NUDT6: variants seen among roughly 807,000 people sequenced by gnomAD.
NUDT6 encodes nudix hydrolase 6.
A neutral mutation model predicts 36.8 loss-of-function variants in NUDT6; 24 were observed. The ratio of observed to expected loss-of-function variants is 0.65; its 90% CI spans 0.47 to 0.92. The LOEUF (loss-of-function observed/expected upper bound fraction) is 0.92, where lower values mean the gene tolerates loss of function less well. Among genes scored for constraint, NUDT6 ranks in the 40% least tolerant of loss-of-function variants. The probability of loss-of-function intolerance (pLI) is 0.00; values close to 1 mark genes in which losing one functional copy is unlikely to be tolerated. For missense variants in NUDT6, 388 were observed against 392.8 expected, an observed-to-expected ratio of 0.99 and a Z score of 0.10; for synonymous variants, 163 against 157.0, an observed-to-expected ratio of 1.04 and a Z score of -0.29.
intron 4 of NUDT6, chr4:122,897,419 ATAT>A: frequency 1.7e-6 from 1 of 581,282 alleles, no homozygotes; most frequent in Non-Finnish European, 3.1e-6. Context: ...GTTCCTAATG[ATAT>A]TATTTCTACT....
chr4:122,918,541 C>T (rs574573116), intron 1 of NUDT6: 4 of 152,350 alleles, frequency 2.6e-5, no homozygotes, highest in Admixed American at 2.6e-4. Context: ...CATCCATCAT[C>T]TCACTTAATC....
intron 3 of NUDT6, among the ~76,000 whole-genome samples, chr4:122,902,944 G>A (rs1331521785): frequency 6.6e-6 from 1 of 152,114 alleles, no homozygotes; most frequent in East Asian, 1.9e-4. Flanking sequence ...AGAGCAACTG[G>A]CTTGGATATC....
intron 3 of NUDT6, among the ~76,000 whole-genome samples, chr4:122,898,720 G>A (rs1465856124): frequency 6.6e-6 from 1 of 152,112 alleles, no homozygotes; most frequent in Non-Finnish European, 1.5e-5. Context: ...ATTTATAAAG[G>A]ATATTATGCT....
intron 1 of NUDT6, 58 bp downstream of exon 1, chr4:122,922,277 G>T: frequency 6.8e-7 from 1 of 1,465,186 alleles, no homozygotes; most frequent in Non-Finnish European, 9.2e-7. Flanking sequence ...GGGGGCCGCG[G>T]TTATTTCATT....
chr4:122,913,509 T>C (rs1422584070), intron 2 of NUDT6, among the ~76,000 whole-genome samples: 1 of 152,220 alleles, frequency 6.6e-6, no homozygotes. Context: ...ATTTATTGAA[T>C]AAATGAATTG....
chr4:122,912,523 G>T (rs778677615), intron 3 of NUDT6, 45 bp downstream of exon 3: 1 of 1,307,506 alleles, frequency 7.6e-7, no homozygotes, highest in South Asian at 1.2e-5. Flanking sequence ...TCTCTAGAAA[G>T]AAATAAACAT....
In NUDT6 at chr4:122,893,210, C is replaced by T. The variant is rs757555425; in HGVS notation, c.569G>A (p.Arg190Gln). 25 of 1,606,722 alleles carry T rather than the reference C, an allele frequency of 1.6e-5. No individual in the cohort carries two copies. Among genetic ancestry groups the T allele is most frequent in the Non-Finnish European group, 2.1e-5 (25 of 1,175,418 alleles). Residue 190 changes from arginine to glutamine, a missense_variant, in exon 5 of 5, where the codon CGA (arginine) becomes CAA (glutamine). By Grantham distance (43) the Arg-to-Gln change is conservative (BLOSUM62 1). Coordinates refer to ENST00000304430, the MANE Select transcript of NUDT6 (RefSeq NM_007083.5). ...TATACCAGTCTCTTCAAAAACTTCT[C>T]GAACCGCTGTGTCTCCTACGTAAAA... Reference protein sequence around the residue: ...PEEDIGDTAVREVFEETGIKS... With the variant: ...PEEDIGDTAVQEVFEETGIKS...
intron 3 of NUDT6, among the ~76,000 whole-genome samples, chr4:122,899,744 C>T (rs1727472614): frequency 6.6e-6 from 1 of 152,096 alleles, no homozygotes; most frequent in African/African-American, 2.4e-5. Flanking sequence ...ATCACTTGAG[C>T]CTTGGAGTTC....
intron 3 of NUDT6, among the ~76,000 whole-genome samples, chr4:122,909,483 A>C (rs1174561234): frequency 6.6e-6 from 1 of 152,190 alleles, no homozygotes. Context: ...GCAAAACATG[A>C]TAGAATTAAA....
chr4:122,900,093 A>T (rs45565038), intron 3 of NUDT6, among the ~76,000 whole-genome samples: 2,451 of 71,506 alleles, frequency 0.034, 88 homozygotes, highest in African/African-American at 0.13. Flanking sequence ...TGCCCCAGAG[A>T]GATTAGTCCT....
chr4:122,918,504 T>C (rs778931684), intron 1 of NUDT6: 11 of 152,252 alleles, frequency 7.2e-5, no homozygotes, highest in Non-Finnish European at 1.0e-4. Context: ...TTAGAGTTTT[T>C]AGAAAAGCTT....
At chr4:122,902,967 C>A (rs1031780226) in intron 3 of NUDT6, among the ~76,000 whole-genome samples, 4 of 151,922 alleles carry the variant, frequency 2.6e-5, no homozygotes. Flanking sequence ...AAAAGAATGC[C>A]AATTAGTTGT....
intron 2 of NUDT6, among the ~76,000 whole-genome samples, chr4:122,915,487 A>ACAAATAAAC (rs1389583994): frequency 7.2e-6 from 1 of 139,434 alleles, no homozygotes; most frequent in Non-Finnish European, 1.5e-5. Context: ...AAAAAAAAAA[A>ACAAATAAAC]AAAAAAAAAA....
chr4:122,901,192 G>C (rs1727515522), intron 3 of NUDT6, among the ~76,000 whole-genome samples: 1 of 152,082 alleles, frequency 6.6e-6, no homozygotes, highest in Admixed American at 6.6e-5. Context: ...CTTTGAGTTG[G>C]TGAGGTCTAG....
intron 4 of NUDT6, chr4:122,895,045 T>C (rs1304376220): frequency 6.6e-6 from 1 of 152,188 alleles, no homozygotes. Flanking sequence ...ACTGCCTGAG[T>C]AGTTTTGATC....
At chr4:122,895,756 T>C (rs112480130) in intron 4 of NUDT6, 32 of 152,352 alleles carry the variant, frequency 2.1e-4, no homozygotes, top group Middle Eastern at 3.4e-3. Context: ...TTACCTAGTA[T>C]TATGAAAGAA....
At chr4:122,910,699 G>A (rs1727716497) in intron 3 of NUDT6, among the ~76,000 whole-genome samples, 1 of 152,150 alleles carries the variant, frequency 6.6e-6, no homozygotes, top group Non-Finnish European at 1.5e-5. Flanking sequence ...TTTATGCTAT[G>A]TACATGGAAG....
At chr4:122,893,281 T>C in intron 4 of NUDT6, 56 bp from the exon 5 acceptor site, 1 of 1,482,698 alleles carries the variant, frequency 6.7e-7, no homozygotes, top group Non-Finnish European at 9.0e-7. Context: ...AGAAACTGTA[T>C]CATCAAAGAT....
intron 3 of NUDT6, among the ~76,000 whole-genome samples, chr4:122,898,956 C>CTGCA (rs1260919161): frequency 3.3e-5 from 5 of 151,608 alleles, no homozygotes; most frequent in Non-Finnish European, 7.4e-5. Flanking sequence ...TCAGAGCTCA[C>CTGCA]TGCAGTCTTG....
Sources: gnomAD v4.1 joint callset for allele counts (sites outside exome capture counted in the v4.1 genomes callset) on GRCh38, gnomAD v4.1.1 for gene constraint, MANE v1.5 for transcripts, NCBI Gene and HGNC (gene_info 2026-07-23, HGNC 2026-07-21) for gene names.